The following TNFRSF8 variants were observed in gnomAD, a reference collection of about 807,000 sequenced individuals.
TNFRSF8 encodes the protein TNF receptor superfamily member 8, also known as tumor necrosis factor receptor superfamily member 8.
Under a neutral mutation model 70.8 loss-of-function variants are expected in TNFRSF8, and 26 were observed. The ratio of observed to expected loss-of-function variants is 0.37; its 90% CI spans 0.27 to 0.51. The LOEUF is 0.51. Among genes scored for constraint, TNFRSF8 ranks in the 20% least tolerant of loss-of-function variants. The pLI, the probability that TNFRSF8 is intolerant of heterozygous loss-of-function variation, is 0.94. For synonymous variants in TNFRSF8, 356 were observed against 339.2 expected (o/e 1.05, Z -0.54); for missense variants, 720 against 807.9 (o/e 0.89, Z 1.32).
In TNFRSF8 at chr1:12,107,279, C is replaced by G. The variant is rs1034195286; in HGVS notation, c.422-2287C>G. ...GTGTGGTGGCGGGTGCTTGAAATCT[C>G]AACTACTTGGGAGGCTGAGGCATGA... is the stretch of plus-strand genomic sequence containing the variant. On this transcript the variant is annotated intron_variant, in intron 4 of 14. Transcript: ENST00000263932. Among the ~76,000 whole-genome samples the G allele has an allele frequency of 7.9e-5, 12 of 152,144 alleles. No homozygotes were observed. The South Asian group carries it at 1.0e-3, about 13-fold the overall frequency.
intron 8 of TNFRSF8, among the ~76,000 whole-genome samples, chr1:12,122,204 T>C (rs1356317763): frequency 2.0e-5 from 3 of 152,076 alleles, no homozygotes. Flanking sequence ...TATTTTTACT[T>C]ATTAAAAATA....
rs536232874 is a variant in TNFRSF8, at chr1:12,110,317, G to T, written c.676+113G>T. On this transcript the variant is annotated intron_variant, in intron 6 of 14. Transcript: ENST00000263932. The surrounding 1 kb of genome is among the most constrained non-coding windows in gnomAD (Gnocchi z 4.0). Reference sequence around the variant, plus strand: ...CAGTGATCTGTGGTCTTTTCCTGGTGGGGAGAGAAGACGGTGGTAAGGTAT... The same window carrying T: ...CAGTGATCTGTGGTCTTTTCCTGGTTGGGAGAGAAGACGGTGGTAAGGTAT... 3 of 1,125,044 alleles carry T rather than the reference G, an allele frequency of 2.7e-6. No homozygotes were observed. The highest frequency in any genetic ancestry group is 2.4e-6 in the Non-Finnish European group (2 of 818,038). 69.7% of individuals were successfully genotyped at this position (1,125,044 alleles called of 1,614,324 possible).
Position 12,119,721 on chromosome 1 carries a change from C to T in TNFRSF8, c.947-3563C>T, listed in dbSNP as rs1214320924. ...GGCTCGGGCGATCCTCCCACCTCAG[C>T]CTCCCACAGTGCTGAGATTACTGGC... On this transcript the variant is annotated intron_variant, in intron 8 of 14. Transcript: ENST00000263932. This position sits in a 1 kb window ranked among gnomAD's most constrained non-coding sequence, Gnocchi z 4.4. Among the ~76,000 whole-genome samples the T allele has an allele frequency of 6.6e-6, 1 of 152,064 alleles. No homozygotes were observed. Among genetic ancestry groups the T allele is most frequent in the Non-Finnish European group, 1.5e-5 (1 of 68,030 alleles).
At chr1:12,072,672 C>T (rs1172699400) in intron 1 of TNFRSF8, among the ~76,000 whole-genome samples, 2 of 152,280 alleles carry the variant, frequency 1.3e-5, no homozygotes, top group South Asian at 2.1e-4. Context: ...CTAGAGGCGT[C>T]GCCCACAGCT....
intron 7 of TNFRSF8, among the ~76,000 whole-genome samples, chr1:12,114,881 G>A (rs1287147452): frequency 6.6e-6 from 1 of 151,622 alleles, no homozygotes; most frequent in Non-Finnish European, 1.5e-5. Context: ...GCTAATTTTT[G>A]TATTTTTAGT....
At chr1:12,090,696 G>A (rs1430107129) in intron 2 of TNFRSF8, among the ~76,000 whole-genome samples, 5 of 152,070 alleles carry the variant, frequency 3.3e-5, no homozygotes, top group African/African-American at 1.2e-4. Context: ...TTCAACCATG[G>A]GGGGGCAGCT....
chr1:12,107,433 AC>A (rs1641544790), intron 4 of TNFRSF8, among the ~76,000 whole-genome samples: 1 of 152,126 alleles, frequency 6.6e-6, no homozygotes, highest in Non-Finnish European at 1.5e-5. Flanking sequence ...AAATGCAGAT[AC>A]GTCTGCATTG....
chr1:12,126,392 A>AT (rs1305752362), intron 12 of TNFRSF8, among the ~76,000 whole-genome samples, 156 bp downstream of exon 12: 1 of 152,180 alleles, frequency 6.6e-6, no homozygotes. Context: ...TAGGGATGCA[A>AT]TGTGGGTGAA....
intron 1 of TNFRSF8, among the ~76,000 whole-genome samples, chr1:12,071,705 A>G (rs1252223118): frequency 1.3e-5 from 2 of 151,892 alleles, no homozygotes; most frequent in East Asian, 3.9e-4. Flanking sequence ...CTGGGACCAC[A>G]AGCACCCGCC....
intron 10 of TNFRSF8, among the ~76,000 whole-genome samples, chr1:12,124,267 C>T (rs949844923): frequency 1.3e-5 from 2 of 152,092 alleles, no homozygotes; most frequent in Admixed American, 6.5e-5. Flanking sequence ...CTTCAGCCTC[C>T]CAAAGTGCTA....
At chr1:12,104,722 G>T (rs751538163) in intron 4 of TNFRSF8, among the ~76,000 whole-genome samples, 191 bp downstream of exon 4, 9 of 152,214 alleles carry the variant, frequency 5.9e-5, no homozygotes, top group Non-Finnish European at 1.2e-4. Flanking sequence ...CCCACCTTGT[G>T]TTCCAGGTGC....
intron 1 of TNFRSF8, among the ~76,000 whole-genome samples, chr1:12,076,135 A>G (rs1296756743): frequency 7.5e-6 from 1 of 133,288 alleles, no homozygotes; most frequent in African/African-American, 2.7e-5. Context: ...GGTTTCACTC[A>G]TCTTGCCCAG....
rs1641788524 is a variant in TNFRSF8, at chr1:12,119,287, T to C, written c.946+3558T>C. On this transcript the variant is annotated intron_variant, in intron 8 of 14. Transcript: ENST00000263932. This position sits in a 1 kb window ranked among gnomAD's most constrained non-coding sequence, Gnocchi z 4.4. ...AGTGTCCTGACTCCCTGATTCCCTC[T>C]GTGCATCCCCCACCAGCCACAGGTC... Among the ~76,000 whole-genome samples, 1 of 152,202 alleles carries C rather than the reference T, an allele frequency of 6.6e-6. No individual in the cohort carries two copies. Among genetic ancestry groups the C allele is most frequent in the Admixed American group, 6.5e-5 (1 of 15,282 alleles).
chr1:12,075,022 C>T (rs770288511), intron 1 of TNFRSF8, among the ~76,000 whole-genome samples: 6 of 151,972 alleles, frequency 3.9e-5, no homozygotes, highest in Admixed American at 2.6e-4. Context: ...TTTGGGAGGC[C>T]GAGGCAGGTG....
At position 12,142,668 on chromosome 1, in the gene TNFRSF8, G is replaced by A. The variant is rs1570096390; in HGVS notation, c.*137G>A. ...TCCAGCATCTAGTGGTGGACCGGCC[G>A]GTCACTGCAGGGGTCTGGTGGTCTC... On this transcript the variant is annotated 3_prime_UTR_variant, in exon 15 of 15. Coordinates refer to ENST00000263932, the MANE Select transcript of TNFRSF8 (RefSeq NM_001243.5). The surrounding 1 kb of genome is among the most constrained non-coding windows in gnomAD (Gnocchi z 5.0). 16 of 1,188,992 alleles carry A rather than the reference G, an allele frequency of 1.3e-5. No individual in the cohort carries two copies. In the East Asian group the frequency reaches 2.6e-4, roughly 19 times the overall value. The allele number at this position is 1,188,992 out of a possible 1,614,324, so 73.7% of individuals were successfully genotyped here. A position where few individuals can be genotyped will look rare whatever the true frequency, so the allele number is the denominator to read the frequency against.
At chr1:12,134,905 A>C (rs1285097196) in intron 12 of TNFRSF8, among the ~76,000 whole-genome samples, 1 of 152,052 alleles carries the variant, frequency 6.6e-6, no homozygotes, top group Non-Finnish European at 1.5e-5. Context: ...CCTCTGACCC[A>C]GTGGAAGCCT....
rs564827878 is a variant in TNFRSF8, at chr1:12,109,501, G to A, written c.422-65G>A. The A allele has an allele frequency of 7.4e-7, 1 of 1,348,990 alleles. No individual in the cohort carries two copies. Among genetic ancestry groups the A allele is most frequent in the Non-Finnish European group, 1.1e-6 (1 of 950,592 alleles). 83.6% of individuals were successfully genotyped at this position (1,348,990 alleles called of 1,614,324 possible). A position where few individuals can be genotyped will look rare whatever the true frequency, so the allele number is the denominator to read the frequency against. ...CCGACTCTGGCCTGTGGTAGTGAAG[G>A]GTGTATTCCGGGAGACTTTGGGTCC... On this transcript the variant is annotated intron_variant, in intron 4 of 14. Coordinates refer to ENST00000263932, the MANE Select transcript of TNFRSF8 (RefSeq NM_001243.5). This position sits in a 1 kb window ranked among gnomAD's most constrained non-coding sequence, Gnocchi z 4.4.
intron 3 of TNFRSF8, among the ~76,000 whole-genome samples, chr1:12,098,431 A>G (rs192830254): frequency 0.011 from 1,712 of 152,318 alleles, 23 homozygotes; most frequent in Non-Finnish European, 0.015. Flanking sequence ...ATAGATAACT[A>G]CTATTATCAT....
chr1:12,083,904 G>A (rs1217335384), intron 1 of TNFRSF8, among the ~76,000 whole-genome samples: 2 of 152,150 alleles, frequency 1.3e-5, no homozygotes, highest in Non-Finnish European at 2.9e-5. Context: ...CTAATAGAGC[G>A]ATAGAAATCA....
Sources: allele counts gnomAD v4.1 joint callset (sites outside exome capture counted in the v4.1 genomes callset), GRCh38; gene constraint gnomAD v4.1.1; non-coding constraint Gnocchi (gnomAD v3.1); transcripts MANE v1.5; gene names NCBI Gene and HGNC (gene_info 2026-07-23, HGNC 2026-07-21).